GRM7: variants seen among roughly 807,000 people sequenced by gnomAD.
GRM7 encodes metabotropic glutamate receptor 7.
Under a neutral mutation model 84.5 loss-of-function variants are expected in GRM7, and 35 were observed. That is an observed-to-expected ratio of 0.41 (90% CI 0.32 to 0.55). The LOEUF is 0.55. Among genes scored for constraint, GRM7 ranks in the 20% least tolerant of loss-of-function variants. The pLI, the probability that GRM7 is intolerant of heterozygous loss-of-function variation, is 0.19. For missense variants in GRM7, 1,003 were observed against 1,194.6 expected (o/e 0.84, Z 2.36); for synonymous variants, 487 against 455.1 (o/e 1.07, Z -0.89).
At chr3:7,439,103 T>A (rs1490768504) in intron 5 of GRM7, among the ~76,000 whole-genome samples, 1 of 151,978 alleles carries the variant, frequency 6.6e-6, no homozygotes, top group Non-Finnish European at 1.5e-5. Context: ...AAAATATGGA[T>A]CCCAAACCCT....
intron 8 of GRM7, among the ~76,000 whole-genome samples, chr3:7,614,121 C>T (rs566684281): frequency 2.0e-5 from 3 of 152,100 alleles, no homozygotes; most frequent in South Asian, 2.1e-4. Context: ...AAAAATTAGC[C>T]GGGCATGGTG....
intron 1 of GRM7, among the ~76,000 whole-genome samples, chr3:6,994,230 A>C (rs1694751081): frequency 6.6e-6 from 1 of 152,180 alleles, no homozygotes; most frequent in African/African-American, 2.4e-5. Flanking sequence ...TGGATTGTGC[A>C]ATTATGTAAA....
chr3:7,548,689 T>A (rs899597435), intron 7 of GRM7, among the ~76,000 whole-genome samples: 3 of 152,202 alleles, frequency 2.0e-5, no homozygotes, highest in Admixed American at 6.5e-5. Context: ...TAGGACTACC[T>A]CCCATTTATC....
intron 1 of GRM7, among the ~76,000 whole-genome samples, chr3:7,094,980 A>C (rs1221607712): frequency 6.7e-6 from 1 of 148,510 alleles, no homozygotes; most frequent in African/African-American, 2.6e-5. Flanking sequence ...GGGCTGATAG[A>C]CTTTTTTTTT....
At chr3:7,529,103 G>C (rs1166732777) in intron 7 of GRM7, among the ~76,000 whole-genome samples, 1 of 152,040 alleles carries the variant, frequency 6.6e-6, no homozygotes, top group Non-Finnish European at 1.5e-5. Flanking sequence ...TGTCAATGGG[G>C]TGTTGAAGTC....
At position 7,452,641 on chromosome 3, in the gene GRM7, G is replaced by T; in HGVS notation, c.1209G>T (p.Glu403Asp). 6.2e-7 allele frequency: 1 copy of T among 1,612,844 alleles called. No homozygotes were observed. The highest frequency in any genetic ancestry group is 1.7e-4 in the Middle Eastern group (1 of 6,040). Residue 403 changes from glutamate (E) to aspartate (D), a missense_variant, in exon 6 of 10, where the codon GAG (glutamate) becomes GAT (aspartate). Glu to Asp is a conservative substitution (Grantham distance 45, BLOSUM62 2). Transcript: ENST00000357716. ...GAATTGGAAAAGATTCCAACTATGA[G>T]CAGGAGGGTAAAGTCCAGTTCGTGA... ...QERIGKDSNYEQEGKVQFVID... is the reference protein window; with the variant it reads ...QERIGKDSNYDQEGKVQFVID...
At chr3:6,966,426 A>G (rs78301386) in intron 1 of GRM7, among the ~76,000 whole-genome samples, 1,638 of 152,342 alleles carry the variant, frequency 0.011, 19 homozygotes, top group Non-Finnish European at 0.016. Flanking sequence ...GTCTCCAGCT[A>G]ATAAACAGAA....
At chr3:7,342,623 TGTTAA>T (rs1692693888) in intron 4 of GRM7, among the ~76,000 whole-genome samples, 1 of 152,156 alleles carries the variant, frequency 6.6e-6, no homozygotes, top group East Asian at 1.9e-4. Flanking sequence ...ACCTACAGAA[TGTTAA>T]GTTAAAGCAG....
At chr3:7,444,275 TAG>T (rs1697413999) in intron 5 of GRM7, among the ~76,000 whole-genome samples, 1 of 152,156 alleles carries the variant, frequency 6.6e-6, no homozygotes, top group South Asian at 2.1e-4. Flanking sequence ...CAGGCATCTA[TAG>T]AGACATTTCT....
chr3:7,006,166 G>A (rs1695178156), intron 1 of GRM7, among the ~76,000 whole-genome samples: 1 of 152,118 alleles, frequency 6.6e-6, no homozygotes, highest in African/African-American at 2.4e-5. Context: ...TCTATATTTT[G>A]AAAGAGTCCC....
At chr3:6,871,176 C>T (rs180892546) in intron 1 of GRM7, among the ~76,000 whole-genome samples, 1 of 152,228 alleles carries the variant, frequency 6.6e-6, no homozygotes, top group African/African-American at 2.4e-5. Flanking sequence ...TCTGGTCAGA[C>T]ACCATAACTA....
At chr3:7,644,937 TG>T (rs1032129944) in intron 8 of GRM7, among the ~76,000 whole-genome samples, 4 of 152,142 alleles carry the variant, frequency 2.6e-5, no homozygotes, top group African/African-American at 9.7e-5. Flanking sequence ...GCCTCCTGGC[TG>T]GTTCTCCACT....
intron 1 of GRM7, among the ~76,000 whole-genome samples, chr3:6,901,376 G>A (rs985910610): frequency 6.6e-6 from 1 of 150,798 alleles, no homozygotes; most frequent in Admixed American, 6.6e-5. Context: ...AAGGTGGGTG[G>A]ATCATGAGGT....
At chr3:7,570,680 A>C (rs1694610332) in intron 7 of GRM7, among the ~76,000 whole-genome samples, 1 of 152,180 alleles carries the variant, frequency 6.6e-6, no homozygotes, top group South Asian at 2.1e-4. Flanking sequence ...ACAAGTTGTC[A>C]GTGGATCTAC....
At chr3:6,867,458 C>T (rs909543230) in intron 1 of GRM7, among the ~76,000 whole-genome samples, 2 of 152,258 alleles carry the variant, frequency 1.3e-5, no homozygotes, top group South Asian at 2.1e-4. Context: ...GATGTATAGG[C>T]CTCCTATCTG....
At chr3:7,119,654 T>A (rs1693154500) in intron 1 of GRM7, among the ~76,000 whole-genome samples, 1 of 152,166 alleles carries the variant, frequency 6.6e-6, no homozygotes, top group African/African-American at 2.4e-5. Flanking sequence ...TTGTAGTAAC[T>A]CACGTTAGGC....
intron 9 of GRM7, chr3:7,693,507 A>G: frequency 1.5e-6 from 1 of 687,484 alleles, no homozygotes; most frequent in Non-Finnish European, 2.6e-6. Flanking sequence ...AAAATGCTAC[A>G]TTTTTGTTCT....
At chr3:6,960,760 C>T (rs960405086) in intron 1 of GRM7, among the ~76,000 whole-genome samples, 1 of 152,192 alleles carries the variant, frequency 6.6e-6, no homozygotes, top group African/African-American at 2.4e-5. Context: ...ACCCAGGTTC[C>T]CTTATTTTCC....
At chr3:7,018,750 C>G (rs1295028183) in intron 1 of GRM7, among the ~76,000 whole-genome samples, 2 of 152,174 alleles carry the variant, frequency 1.3e-5, no homozygotes, top group Non-Finnish European at 2.9e-5. Context: ...AAGAGATGTC[C>G]TATATATTAG....
Sources: allele counts gnomAD v4.1 joint callset (sites outside exome capture counted in the v4.1 genomes callset), GRCh38; gene constraint gnomAD v4.1.1; transcripts MANE v1.5; gene names NCBI Gene and HGNC (gene_info 2026-07-23, HGNC 2026-07-21).